The following LAMA1 variants were observed in gnomAD, a reference collection of about 807,000 sequenced individuals.
The protein encoded by LAMA1 is laminin subunit alpha 1.
Under a neutral mutation model 348.7 loss-of-function variants are expected in LAMA1, and 219 were observed. That is an observed-to-expected ratio of 0.63 (90% CI 0.56 to 0.70). The LOEUF (loss-of-function observed/expected upper bound fraction) is 0.70. LAMA1 is among the 30% of genes least tolerant of loss of function. LAMA1 has a pLI of 0.00. For synonymous variants in LAMA1, 1,487 were observed against 1,491.0 expected, an observed-to-expected ratio of 1.00 and a Z score of 0.06; for missense variants, 3,744 against 3,888.0, an observed-to-expected ratio of 0.96 and a Z score of 0.99.
intron 61 of LAMA1, among the ~76,000 whole-genome samples, chr18:6,946,762 G>A (rs544344266): frequency 6.6e-6 from 1 of 152,174 alleles, no homozygotes; most frequent in African/African-American, 2.4e-5. Context: ...GGAAACCTGG[G>A]TCTGGGTGAA....
chr18:7,027,508 G>T (rs2057949324), intron 16 of LAMA1, among the ~76,000 whole-genome samples: 1 of 150,802 alleles, frequency 6.6e-6, no homozygotes, highest in African/African-American at 2.4e-5. Context: ...TTTTTTTATG[G>T]GGAATGAAAA....
chr18:6,970,583 C>G (rs1252929400), intron 48 of LAMA1, among the ~76,000 whole-genome samples: 2 of 151,728 alleles, frequency 1.3e-5, no homozygotes, highest in Non-Finnish European at 2.9e-5. Flanking sequence ...ACCCTATATT[C>G]TTTTTCAATC....
chr18:7,107,789 C>T (rs62083502), intron 1 of LAMA1, among the ~76,000 whole-genome samples: 36 of 150,002 alleles, frequency 2.4e-4, no homozygotes, highest in African/African-American at 8.1e-4. Context: ...CTGAGGCGGG[C>T]AGATCACGAG....
chr18:6,950,798 T>C lies in LAMA1; in HGVS notation c.8381A>G (p.Asp2794Gly). 1 of 1,614,070 alleles carries C rather than the reference T, an allele frequency of 6.2e-7. No individual in the cohort carries two copies. The highest frequency in any genetic ancestry group is 8.5e-7 in the Non-Finnish European group (1 of 1,179,978). ...AGATCGTACCGTGTGCCACTTGCCA[T>C]CACTGAGCAGTGCAGGGTGAGAGAC... Reference protein sequence around the residue: ...TKVSHPALLSDGKWHTVKTDY... With the variant: ...TKVSHPALLSGGKWHTVKTDY... The change falls in exon 58 of 63, where the codon GAT becomes GGT. Residue 2794 changes from aspartate to glycine, a missense_variant. Around this residue, in one of 3 missense-constraint regions of LAMA1, gnomAD observed 1,983 missense variants for 1,934.3 expected, o/e 1.03. Transcript: ENST00000389658.
intron 30 of LAMA1, among the ~76,000 whole-genome samples, chr18:7,000,452 A>G (rs951316887): frequency 6.6e-6 from 1 of 152,258 alleles, no homozygotes; most frequent in Non-Finnish European, 1.5e-5. Context: ...GCGAGGAAGG[A>G]AAGCCAGGGA....
At chr18:6,960,656 T>C (rs183398575) in intron 53 of LAMA1, 5 of 147,940 alleles carry the variant, frequency 3.4e-5, no homozygotes, top group African/African-American at 1.3e-4. Context: ...TTTTAGGTTA[T>C]ATGAATTTCA....
intron 7 of LAMA1, among the ~76,000 whole-genome samples, chr18:7,044,331 T>C (rs867167580): frequency 7.9e-5 from 12 of 152,082 alleles, no homozygotes; most frequent in Non-Finnish European, 1.3e-4. Flanking sequence ...AGGAGGGAGA[T>C]GAAGTGGAAG....
intron 1 of LAMA1, among the ~76,000 whole-genome samples, chr18:7,114,341 G>A (rs1248724300): frequency 6.6e-6 from 1 of 152,162 alleles, no homozygotes; most frequent in African/African-American, 2.4e-5. Flanking sequence ...ATTCAGAGAA[G>A]TTAAGAAACT....
At chr18:7,025,421 T>A (rs763713261) in intron 17 of LAMA1, among the ~76,000 whole-genome samples, 6 of 152,128 alleles carry the variant, frequency 3.9e-5, no homozygotes, top group African/African-American at 9.7e-5. Flanking sequence ...CTCCCCACCA[T>A]CTGGTGGACA....
chr18:6,942,880 C>T (rs2057505543), intron 62 of LAMA1, among the ~76,000 whole-genome samples: 1 of 152,132 alleles, frequency 6.6e-6, no homozygotes, highest in African/African-American at 2.4e-5. Flanking sequence ...AAACGATTCC[C>T]TAGCCCTAAA....
At chr18:7,014,643 TA>T (rs557372322) in intron 22 of LAMA1, among the ~76,000 whole-genome samples, 760 of 134,138 alleles carry the variant, frequency 5.7e-3, no homozygotes, top group East Asian at 8.9e-3. Flanking sequence ...CTGTCTCAAT[TA>T]AAAAAAAAAA....
At chr18:6,985,131 T>C (rs2057728327) in intron 39 of LAMA1, 106 bp downstream of exon 39, 1 of 1,381,558 alleles carries the variant, frequency 7.2e-7, no homozygotes, top group African/African-American at 1.4e-5. Flanking sequence ...GAGTGCTCAT[T>C]TTTACACAAA....
At chr18:6,964,581 T>C in intron 51 of LAMA1, 81 bp downstream of exon 51, 1 of 1,530,814 alleles carries the variant, frequency 6.5e-7, no homozygotes, top group Non-Finnish European at 9.0e-7. Flanking sequence ...GCCACCTGGT[T>C]TGTGATACAG....
At chr18:7,107,255 A>G (rs1016429810) in intron 1 of LAMA1, among the ~76,000 whole-genome samples, 1 of 151,494 alleles carries the variant, frequency 6.6e-6, no homozygotes, top group Non-Finnish European at 1.5e-5. Flanking sequence ...AGTAGCTAGG[A>G]CTACAGGCAC....
At chr18:7,079,652 C>T (rs539712690) in intron 3 of LAMA1, 3 of 406,622 alleles carry the variant, frequency 7.4e-6, no homozygotes, top group Admixed American at 3.8e-5. Flanking sequence ...TCCCCCTCTC[C>T]CTCCCCATGC....
intron 41 of LAMA1, among the ~76,000 whole-genome samples, chr18:6,981,317 G>A (rs1396478383): frequency 6.6e-6 from 1 of 151,956 alleles, no homozygotes; most frequent in African/African-American, 2.4e-5. Flanking sequence ...TTCTCCTCTG[G>A]GTTGTAAAAC....
Position 7,117,666 on chromosome 18 carries a change from G to A in LAMA1, c.55C>T (p.Gln19Ter), listed in dbSNP as rs2058363545. ...LLLCVAAQCR[Q>*]RGLFPAILNL... ...GGACCCGGGCCGGGCTCACCTCTCT[G>A]CCGGCACTGCGCGGCGACACACAGC... The change falls in exon 1 of 63, where the codon CAG becomes TAG. Residue 19 changes from glutamine (Q) to a stop codon, truncating the protein, a stop_gained. Transcript: ENST00000389658. LOFTEE classifies it high-confidence loss of function. 1 of 1,598,252 alleles carries A rather than the reference G, an allele frequency of 6.3e-7. No homozygotes were observed. The highest frequency in any genetic ancestry group is 8.5e-7 in the Non-Finnish European group (1 of 1,178,598).
intron 48 of LAMA1, among the ~76,000 whole-genome samples, chr18:6,967,491 A>G (rs1333473614): frequency 6.6e-6 from 1 of 152,098 alleles, no homozygotes; most frequent in African/African-American, 2.4e-5. Context: ...AAACTCACCT[A>G]ACCTCTCTGT....
chr18:6,991,061 G>A lies in LAMA1; in HGVS notation c.5168+1500C>T, dbSNP rs984709312. Among the ~76,000 whole-genome samples the A allele has an allele frequency of 2.0e-5, 3 of 152,014 alleles. No homozygotes were observed. The South Asian group carries it at 6.2e-4, about 32-fold the overall frequency. The stretch of plus-strand genomic sequence containing the variant: ...GCTCACGCCCATCTCCCAGGACCAC[G>A]TCCTCCTCTCATTCCCCCTGCGCAA... On this transcript the variant is annotated intron_variant, in intron 36 of 62. Transcript: ENST00000389658.
Sources: gnomAD v4.1 joint callset for allele counts (sites outside exome capture counted in the v4.1 genomes callset) on GRCh38, gnomAD v4.1.1 for gene constraint, gnomAD v4.1.1 regional missense constraint, MANE v1.5 for transcripts, NCBI Gene and HGNC (gene_info 2026-07-23, HGNC 2026-07-21) for gene names.